The following KIF6 variants were observed in gnomAD, a reference collection of about 807,000 sequenced individuals.
KIF6 encodes the protein kinesin family member 6.
Under a neutral mutation model 112.7 loss-of-function variants are expected in KIF6, and 106 were observed. The observed-to-expected ratio is 0.94, with a 90% CI of 0.80 to 1.11. The LOEUF (loss-of-function observed/expected upper bound fraction) is 1.11, where lower values mean the gene tolerates loss of function less well. Among genes scored for constraint, KIF6 ranks in the 50% least tolerant of loss-of-function variants. KIF6 has a pLI of 0.00. For missense variants in KIF6, 929 were observed against 964.0 expected, an observed-to-expected ratio of 0.96 and a Z score of 0.48; for synonymous variants, 339 against 339.9, an observed-to-expected ratio of 1.00 and a Z score of 0.03.
chr6:39,338,601 A>G (rs1233198989), intron 22 of KIF6, among the ~76,000 whole-genome samples: 1 of 152,176 alleles, frequency 6.6e-6, no homozygotes. Flanking sequence ...TCTGCTACAC[A>G]ACGGAAATCT....
At chr6:39,650,857 TA>T (rs1460631435) in intron 3 of KIF6, among the ~76,000 whole-genome samples, 1 of 152,120 alleles carries the variant, frequency 6.6e-6, no homozygotes, top group Non-Finnish European at 1.5e-5. Context: ...TCTCTGTCAG[TA>T]AATTGATCAA....
intron 3 of KIF6, among the ~76,000 whole-genome samples, chr6:39,656,743 C>T (rs928019295): frequency 2.0e-5 from 3 of 152,180 alleles, no homozygotes; most frequent in African/African-American, 7.2e-5. Context: ...TTTGTCCTCA[C>T]ATTCATTTGC....
intron 12 of KIF6, among the ~76,000 whole-genome samples, chr6:39,542,178 A>T (rs780806160): frequency 2.6e-5 from 4 of 152,308 alleles, no homozygotes; most frequent in Non-Finnish European, 2.9e-5. Flanking sequence ...GACTTTAATG[A>T]GAATAATGAT....
intron 7 of KIF6, among the ~76,000 whole-genome samples, chr6:39,593,017 C>A (rs1217343255): frequency 6.6e-6 from 1 of 152,102 alleles, no homozygotes; most frequent in East Asian, 1.9e-4. Flanking sequence ...TAATTGATTA[C>A]CAACACTCAC....
intron 14 of KIF6, among the ~76,000 whole-genome samples, chr6:39,426,351 G>A (rs939811120): frequency 2.0e-4 from 30 of 152,184 alleles, no homozygotes; most frequent in Non-Finnish European, 1.5e-4. Flanking sequence ...GTCACATACA[G>A]GCAGCACAAC....
intron 3 of KIF6, among the ~76,000 whole-genome samples, chr6:39,666,126 C>T (rs1026761433): frequency 1.3e-5 from 2 of 152,170 alleles, no homozygotes; most frequent in African/African-American, 4.8e-5. Flanking sequence ...GTATTCGTGG[C>T]CAATCCACTC....
intron 13 of KIF6, among the ~76,000 whole-genome samples, chr6:39,457,897 A>G (rs1398360787): frequency 2.0e-5 from 3 of 150,640 alleles, no homozygotes; most frequent in African/African-American, 7.4e-5. Flanking sequence ...CCAATGAAAA[A>G]GAGTCCAGGA....
At chr6:39,558,900 A>G (rs565387620) in intron 10 of KIF6, among the ~76,000 whole-genome samples, 4 of 152,302 alleles carry the variant, frequency 2.6e-5, no homozygotes, top group African/African-American at 7.2e-5. Context: ...ATACAGAAAC[A>G]GCCCTGAGAT....
intron 15 of KIF6, among the ~76,000 whole-genome samples, chr6:39,388,409 C>T (rs548996692): frequency 1.3e-5 from 2 of 151,978 alleles, no homozygotes; most frequent in East Asian, 1.9e-4. Context: ...CTCAGAACAA[C>T]GAGGCACCAC....
intron 9 of KIF6, chr6:39,583,555 A>AG: frequency 2.2e-6 from 1 of 463,554 alleles, no homozygotes; most frequent in African/African-American, 2.0e-5. Context: ...CCATGGGGAG[A>AG]AAGAGGAGAA....
In KIF6 at chr6:39,400,257, T is replaced by C. The variant is rs149711457; in HGVS notation, c.1811-14585A>G. On this transcript the variant is annotated intron_variant, in intron 15 of 22. Coordinates refer to ENST00000287152, the MANE Select transcript of KIF6 (RefSeq NM_145027.6). ...CCCTCCAGGAACAAGGATGGGTGGCTTATAAAGGCGAGCAAGAGGCAAGAA... is the reference window on the plus strand; with the variant it reads ...CCCTCCAGGAACAAGGATGGGTGGCCTATAAAGGCGAGCAAGAGGCAAGAA... 3.2e-4 allele frequency among the ~76,000 whole-genome samples: 49 copies of C among 152,274 alleles called. No individual in the cohort carries two copies. The East Asian group carries it at 8.3e-3, about 26-fold the overall frequency.
chr6:39,664,617 G>A (rs572064234), intron 3 of KIF6, among the ~76,000 whole-genome samples: 1 of 152,286 alleles, frequency 6.6e-6, no homozygotes, highest in East Asian at 1.9e-4. Context: ...AAGTACAGGA[G>A]ATCTGGAAGA....
chr6:39,349,615 G>C (rs1764062230), intron 19 of KIF6, among the ~76,000 whole-genome samples: 1 of 139,542 alleles, frequency 7.2e-6, no homozygotes, highest in South Asian at 2.3e-4. Flanking sequence ...TGAAGGTCTA[G>C]GTTTAATTTG....
At chr6:39,434,156 A>G (rs369197148) in intron 13 of KIF6, among the ~76,000 whole-genome samples, 5 of 152,282 alleles carry the variant, frequency 3.3e-5, no homozygotes, top group South Asian at 4.2e-4. Flanking sequence ...TATTCTCTCA[A>G]GAAGTATTTA....
intron 3 of KIF6, among the ~76,000 whole-genome samples, chr6:39,711,486 C>T (rs866770667): frequency 6.6e-5 from 10 of 151,974 alleles, no homozygotes; most frequent in African/African-American, 2.2e-4. Flanking sequence ...TCCTCCCACC[C>T]GAACCTCCTG....
intron 5 of KIF6, among the ~76,000 whole-genome samples, chr6:39,618,346 C>T (rs373488014): frequency 9.9e-5 from 15 of 152,134 alleles, no homozygotes; most frequent in African/African-American, 2.4e-4. Flanking sequence ...ACATGACATT[C>T]GTAAACTAAA....
chr6:39,410,064 C>G (rs190615031), intron 15 of KIF6, among the ~76,000 whole-genome samples: 5 of 152,376 alleles, frequency 3.3e-5, no homozygotes, highest in Non-Finnish European at 7.3e-5. Context: ...GAGTCTCCTT[C>G]CTTTTAGAGA....
chr6:39,567,252 G>A lies in KIF6; in HGVS notation c.1181+10804C>T, dbSNP rs73414693. ...CGAATTACCCCATCAATCCTCGTAA[G>A]AGCCTTGTGATGTGGGTGCCATTAC... On this transcript the variant is annotated intron_variant, in intron 10 of 22. Coordinates refer to ENST00000287152, the MANE Select transcript of KIF6 (RefSeq NM_145027.6). 2.1e-3 allele frequency among the ~76,000 whole-genome samples: 322 copies of A among 152,306 alleles called. 2 individuals are homozygous for A. The highest frequency in any genetic ancestry group is 7.4e-3 in the African/African-American group (308 of 41,582).
At chr6:39,483,658 G>T (rs1774945148) in intron 13 of KIF6, among the ~76,000 whole-genome samples, 1 of 152,082 alleles carries the variant, frequency 6.6e-6, no homozygotes, top group South Asian at 2.1e-4. Context: ...AACAGTAAAG[G>T]TCCAGGCACT....
Sources: gnomAD v4.1 joint callset for allele counts (sites outside exome capture counted in the v4.1 genomes callset) on GRCh38, gnomAD v4.1.1 for gene constraint, MANE v1.5 for transcripts, NCBI Gene and HGNC (gene_info 2026-07-23, HGNC 2026-07-21) for gene names.